XKR9: variants seen among roughly 807,000 people sequenced by gnomAD.
XKR9 encodes the protein XK related 9, also known as XK-related protein 9.
In XKR9, 32 loss-of-function variants were observed where a neutral mutation model predicts 32.0. That is an observed-to-expected ratio of 1.00 (90% confidence interval 0.76 to 1.34). The LOEUF (loss-of-function observed/expected upper bound fraction) is 1.34. Ranked by LOEUF, XKR9 falls within the 40% of genes most tolerant of loss-of-function variation. The probability of loss-of-function intolerance (pLI) is 0.00; values close to 1 mark genes in which losing one functional copy is unlikely to be tolerated. For synonymous variants in XKR9, 168 were observed against 143.4 expected (o/e 1.17, Z -1.22); for missense variants, 546 against 429.7 (o/e 1.27, Z -2.39).
At chr8:70,758,492 G>T (rs529437835) in intron 2 of XKR9, among the ~76,000 whole-genome samples, 2 of 152,194 alleles carry the variant, frequency 1.3e-5, no homozygotes, top group South Asian at 2.1e-4. Context: ...TTATTCCCCA[G>T]TTCTTTCTTG....
At chr8:70,907,170 A>G in the XKR9 span, among the ~76,000 whole-genome samples, 2 of 152,088 alleles carry the variant, frequency 1.3e-5, no homozygotes, top group Admixed American at 1.3e-4. Context: ...CATAAAATTT[A>G]TGTTTTGCCT....
chr8:71,049,509 G>A, the XKR9 span, among the ~76,000 whole-genome samples: 1 of 152,224 alleles, frequency 6.6e-6, no homozygotes, highest in Non-Finnish European at 1.5e-5. Flanking sequence ...AGGTAGACAT[G>A]TGAAGTGATC....
the XKR9 span, among the ~76,000 whole-genome samples, chr8:70,886,484 G>C: frequency 6.6e-6 from 1 of 152,166 alleles, no homozygotes; most frequent in East Asian, 1.9e-4. Flanking sequence ...CACAATGGTT[G>C]AACTAATGTA....
the XKR9 span, among the ~76,000 whole-genome samples, chr8:71,059,009 C>G: frequency 6.6e-6 from 1 of 152,220 alleles, no homozygotes; most frequent in Admixed American, 6.5e-5. Flanking sequence ...TTTAATTAGA[C>G]ACATCCTGTT....
the XKR9 span, among the ~76,000 whole-genome samples, chr8:70,899,582 C>T: frequency 1.3e-5 from 2 of 152,224 alleles, no homozygotes; most frequent in Middle Eastern, 3.4e-3. Context: ...AGCTTGGGCT[C>T]TCTTTGCACT....
intron 4 of XKR9, among the ~76,000 whole-genome samples, chr8:70,715,074 G>A (rs753092937): frequency 2.6e-5 from 4 of 152,076 alleles, no homozygotes; most frequent in Non-Finnish European, 2.9e-5. Flanking sequence ...GATGAGAATC[G>A]ACTATTGTGC....
chr8:70,922,021 G>A, the XKR9 span, among the ~76,000 whole-genome samples: 700 of 152,250 alleles, frequency 4.6e-3, 8 homozygotes, highest in Non-Finnish European at 7.5e-3. Context: ...GAAAGGGAAG[G>A]GGGAGAAGAA....
In XKR9 at chr8:70,776,923, T is replaced by TTCTCTCTCTC. The variant is rs369388439; in HGVS notation, n.353-12400_353-12391dup. Among the ~76,000 whole-genome samples, 426 of 59,614 alleles carry TTCTCTCTCTC rather than the reference T, an allele frequency of 7.1e-3. 16 individuals carry two copies. The highest frequency in any genetic ancestry group is 0.021 in the Middle Eastern group (2 of 96). 39.1% of individuals were successfully genotyped at this position (59,614 alleles called of 152,430 possible). On this transcript the variant is annotated intron_variant and non_coding_transcript_variant, in intron 2 of 3. Coordinates refer to the XKR9 transcript ENST00000520273. The stretch of plus-strand genomic sequence containing the variant: ...TGCATTTAGCAGGTTTTCTCTTTCT[T>TTCTCTCTCTC]TCTCTCTCTCTCTCTCTCTCTCTCT...
At chr8:71,038,289 C>T in the XKR9 span, among the ~76,000 whole-genome samples, 4 of 117,686 alleles carry the variant, frequency 3.4e-5, no homozygotes, top group African/African-American at 1.1e-4. Context: ...CTTTTCTTTT[C>T]TCTCTCTCTC....
chr8:71,012,377 G>T, the XKR9 span, among the ~76,000 whole-genome samples: 1 of 152,188 alleles, frequency 6.6e-6, no homozygotes, highest in Non-Finnish European at 1.5e-5. Context: ...TCCCAGGGAA[G>T]GTTGGTGGCT....
At chr8:70,906,170 G>T in the XKR9 span, among the ~76,000 whole-genome samples, 1 of 152,192 alleles carries the variant, frequency 6.6e-6, no homozygotes. Context: ...AGACAGGGGC[G>T]TTTAAGTCTG....
chr8:70,987,735 A>G, the XKR9 span, among the ~76,000 whole-genome samples: 1 of 152,298 alleles, frequency 6.6e-6, no homozygotes, highest in Middle Eastern at 3.4e-3. Context: ...GCAGTGCCCC[A>G]GTAGGAATTC....
At chr8:70,978,846 A>G in the XKR9 span, among the ~76,000 whole-genome samples, 1 of 152,188 alleles carries the variant, frequency 6.6e-6, no homozygotes, top group South Asian at 2.1e-4. Context: ...GCTTGGTTCC[A>G]TTCTCCGCGT....
chr8:70,968,248 G>T, the XKR9 span, among the ~76,000 whole-genome samples: 1 of 152,130 alleles, frequency 6.6e-6, no homozygotes, highest in Admixed American at 6.5e-5. Context: ...ACTTGTGATT[G>T]CATTGTGAAC....
At chr8:70,760,938 C>T (rs1482764160) in intron 2 of XKR9, among the ~76,000 whole-genome samples, 2 of 152,172 alleles carry the variant, frequency 1.3e-5, no homozygotes, top group Non-Finnish European at 2.9e-5. Flanking sequence ...CATTTAGCTC[C>T]CACTTACATG....
At chr8:70,963,464 T>G in the XKR9 span, among the ~76,000 whole-genome samples, 1 of 152,200 alleles carries the variant, frequency 6.6e-6, no homozygotes, top group African/African-American at 2.4e-5. Flanking sequence ...CTAATTTATA[T>G]TCCTTTGGGG....
chr8:70,757,235 C>T (rs1217620921), intron 2 of XKR9, among the ~76,000 whole-genome samples: 1 of 152,028 alleles, frequency 6.6e-6, no homozygotes, highest in African/African-American at 2.4e-5. Context: ...CTGATACTCC[C>T]TTTATGTGCA....
chr8:70,684,001 G>T lies in XKR9; in HGVS notation c.272+2671G>T, dbSNP rs186219487. 1.1e-3 allele frequency among the ~76,000 whole-genome samples: 174 copies of T among 152,238 alleles called. 1 individual carries two copies. The highest frequency in any genetic ancestry group is 3.9e-3 in the African/African-American group (163 of 41,558). ...ATTTGATTGTTTTTTGGTTTCTATT[G>T]TTGCTCTGGAGGAGTTAGATTTTAG... On this transcript the variant is annotated intron_variant, in intron 3 of 4. Transcript: ENST00000408926.
chr8:70,878,525 C>G, the XKR9 span, among the ~76,000 whole-genome samples: 1 of 152,096 alleles, frequency 6.6e-6, no homozygotes, highest in Non-Finnish European at 1.5e-5. Flanking sequence ...ATAAAACAGA[C>G]TTTAAACCAA....
Sources: allele counts gnomAD v4.1 joint callset (sites outside exome capture counted in the v4.1 genomes callset), GRCh38; gene constraint gnomAD v4.1.1; transcripts MANE v1.5; gene names NCBI Gene and HGNC (gene_info 2026-07-23, HGNC 2026-07-21).